TAFA4: variants seen among roughly 807,000 people sequenced by gnomAD.
The protein encoded by TAFA4 is chemokine-like protein TAFA-4.
A neutral mutation model predicts 21.1 loss-of-function variants in TAFA4; 20 were observed. That is an observed-to-expected ratio of 0.95 (90% CI 0.67 to 1.38). The LOEUF (loss-of-function observed/expected upper bound fraction) is 1.38, where lower values mean the gene tolerates loss of function less well. TAFA4 is among the 40% of genes most tolerant of loss of function. The pLI, the probability that TAFA4 is intolerant of heterozygous loss-of-function variation, is 0.00. For missense variants in TAFA4, 211 were observed against 180.9 expected (o/e 1.17, Z -0.95); for synonymous variants, 71 against 67.4 (o/e 1.05, Z -0.26).
intron 3 of TAFA4, among the ~76,000 whole-genome samples, chr3:68,862,224 C>T (rs1411049856): frequency 1.3e-5 from 2 of 152,050 alleles, no homozygotes; most frequent in African/African-American, 2.4e-5. Flanking sequence ...CAAACGCTCA[C>T]AGCAATTCTT....
intron 5 of TAFA4, among the ~76,000 whole-genome samples, chr3:68,734,377 G>C (rs759489881): frequency 1.6e-4 from 25 of 152,090 alleles, no homozygotes; most frequent in Non-Finnish European, 2.9e-4. Flanking sequence ...ATGGGCAATG[G>C]AGAAAAGTAA....
intron 1 of TAFA4, among the ~76,000 whole-genome samples, chr3:68,895,813 G>A (rs72938885): frequency 1.3e-5 from 2 of 152,280 alleles, no homozygotes; most frequent in African/African-American, 4.8e-5. Flanking sequence ...AGACAAACAG[G>A]TAAACAAGCA....
chr3:68,873,337 T>TACACAC (rs34998311), intron 3 of TAFA4, among the ~76,000 whole-genome samples: 21,765 of 133,286 alleles, frequency 0.16, 1,954 homozygotes, highest in Middle Eastern at 0.21. Context: ...CACGCAGACA[T>TACACAC]ACACACACAC....
At chr3:68,772,380 C>T (rs541747662) in intron 3 of TAFA4, among the ~76,000 whole-genome samples, 1 of 152,104 alleles carries the variant, frequency 6.6e-6, no homozygotes, top group Non-Finnish European at 1.5e-5. Flanking sequence ...AGTCAGTGGA[C>T]TGAGTAGGGA....
intron 3 of TAFA4, among the ~76,000 whole-genome samples, chr3:68,777,582 T>A (rs1218182706): frequency 6.6e-6 from 1 of 151,936 alleles, no homozygotes; most frequent in East Asian, 1.9e-4. Context: ...AAAGTACAAT[T>A]AGGAGGTATA....
chr3:68,890,803 A>T (rs1479259914), intron 1 of TAFA4, among the ~76,000 whole-genome samples: 1 of 152,224 alleles, frequency 6.6e-6, no homozygotes, highest in Non-Finnish European at 1.5e-5. Context: ...ACTTGAAGAC[A>T]TTGGTCATCA....
chr3:68,736,742 A>G (rs149890766), intron 5 of TAFA4, among the ~76,000 whole-genome samples: 1 of 152,194 alleles, frequency 6.6e-6, no homozygotes, highest in Admixed American at 6.5e-5. Context: ...CAGATCCACA[A>G]ATGAATTTAC....
intron 3 of TAFA4, among the ~76,000 whole-genome samples, chr3:68,768,716 A>T (rs1333855685): frequency 6.6e-6 from 1 of 152,240 alleles, no homozygotes. Context: ...ATGAATGGGT[A>T]AATAAAATAT....
chr3:68,780,762 T>C (rs17047991), intron 3 of TAFA4, among the ~76,000 whole-genome samples: 4,746 of 152,258 alleles, frequency 0.031, 281 homozygotes, highest in East Asian at 0.25. Flanking sequence ...AACTTGACTC[T>C]CAGTAATTGA....
intron 1 of TAFA4, among the ~76,000 whole-genome samples, chr3:68,931,881 C>T (rs887733124): frequency 1.3e-5 from 2 of 152,174 alleles, no homozygotes; most frequent in Non-Finnish European, 2.9e-5. Context: ...GAAAAGAGCT[C>T]ACGGTGAGTT....
intron 3 of TAFA4, among the ~76,000 whole-genome samples, chr3:68,776,105 G>A (rs901288249): frequency 6.6e-6 from 1 of 152,072 alleles, no homozygotes; most frequent in Non-Finnish European, 1.5e-5. Flanking sequence ...TGGAGGAATG[G>A]AGGGACATAA....
At chr3:68,881,644 T>C (rs1173020430) in intron 2 of TAFA4, among the ~76,000 whole-genome samples, 1 of 152,250 alleles carries the variant, frequency 6.6e-6, no homozygotes, top group African/African-American at 2.4e-5. Context: ...ATTTGGCATC[T>C]GAAATTCCGG....
At chr3:68,804,850 C>T (rs556877816) in intron 3 of TAFA4, among the ~76,000 whole-genome samples, 105 of 152,238 alleles carry the variant, frequency 6.9e-4, no homozygotes, top group African/African-American at 2.3e-3. Context: ...CATAAAAACC[C>T]TGGAAGAAAA....
Position 68,754,797 on chromosome 3 carries a change from T to G in TAFA4, c.131-1779A>C, listed in dbSNP as rs116917549. On this transcript the variant is annotated intron_variant, in intron 3 of 5. Transcript: ENST00000295569. Reference sequence around the variant, plus strand: ...GATAGTTGTAAAACTGATTCTATGTTAATGTTCAAATCGTCCCATATCTGG... The same window carrying G: ...GATAGTTGTAAAACTGATTCTATGTGAATGTTCAAATCGTCCCATATCTGG... 7.7e-4 allele frequency among the ~76,000 whole-genome samples: 118 copies of G among 152,336 alleles called. 1 individual carries two copies. In the East Asian group the frequency reaches 0.021, roughly 28 times the overall value.
intron 4 of TAFA4, among the ~76,000 whole-genome samples, chr3:68,745,459 G>A (rs191921564): frequency 3.9e-4 from 60 of 152,158 alleles, no homozygotes; most frequent in Admixed American, 7.2e-4. Flanking sequence ...CCTGACTTAT[G>A]AAAACACATA....
At chr3:68,782,224 G>T (rs1602197) in intron 3 of TAFA4, among the ~76,000 whole-genome samples, 1 of 152,052 alleles carries the variant, frequency 6.6e-6, no homozygotes, top group African/African-American at 2.4e-5. Flanking sequence ...GATACCAAAT[G>T]GTCGAGAAGC....
At chr3:68,847,627 G>A (rs547192037) in intron 3 of TAFA4, among the ~76,000 whole-genome samples, 2 of 152,348 alleles carry the variant, frequency 1.3e-5, no homozygotes, top group Non-Finnish European at 1.5e-5. Context: ...CAGGGCCCTG[G>A]TGGCATAGGC....
chr3:68,782,400 A>G (rs1189775592), intron 3 of TAFA4, among the ~76,000 whole-genome samples: 1 of 152,228 alleles, frequency 6.6e-6, no homozygotes, highest in Admixed American at 6.5e-5. Flanking sequence ...GGGATGTAAA[A>G]TGGTGCAAAA....
chr3:68,825,492 G>C (rs995452387), intron 3 of TAFA4, among the ~76,000 whole-genome samples: 1 of 149,098 alleles, frequency 6.7e-6, no homozygotes, highest in Non-Finnish European at 1.5e-5. Flanking sequence ...TATTACAAAA[G>C]CAAAGTAACA....
Sources: allele counts gnomAD v4.1 joint callset (sites outside exome capture counted in the v4.1 genomes callset), GRCh38; gene constraint gnomAD v4.1.1; transcripts MANE v1.5; gene names NCBI Gene and HGNC (gene_info 2026-07-23, HGNC 2026-07-21).